Variants in ARMH3 observed in about 807,000 individuals in gnomAD.
ARMH3 encodes the protein armadillo-like helical domain-containing protein 3.
Under a neutral mutation model 99.1 loss-of-function variants are expected in ARMH3, and 60 were observed. The ratio of observed to expected loss-of-function variants is 0.61; its 90% CI spans 0.49 to 0.75. The LOEUF is 0.75. ARMH3 is among the 30% of genes least tolerant of loss of function. ARMH3 has a pLI of 0.00. For synonymous variants in ARMH3, 285 were observed against 292.8 expected, an observed-to-expected ratio of 0.97 and a Z score of 0.27; for missense variants, 679 against 843.1, an observed-to-expected ratio of 0.81 and a Z score of 2.41.
intron 23 of ARMH3, among the ~76,000 whole-genome samples, chr10:101,916,716 A>G (rs1354446752): frequency 1.3e-5 from 2 of 152,148 alleles, no homozygotes; most frequent in African/African-American, 4.8e-5. Context: ...TTTCCAGGAG[A>G]CAGATTAGCA....
intron 19 of ARMH3, among the ~76,000 whole-genome samples, chr10:101,984,421 T>C (rs1254173354): frequency 6.6e-6 from 1 of 152,198 alleles, no homozygotes; most frequent in Non-Finnish European, 1.5e-5. Context: ...AATGGCTTTG[T>C]TGCAGCCAGC....
intron 20 of ARMH3, among the ~76,000 whole-genome samples, chr10:101,961,000 T>C (rs1295638796): frequency 1.3e-5 from 2 of 152,132 alleles, no homozygotes; most frequent in African/African-American, 4.8e-5. Context: ...CTGCTGACTA[T>C]ACTGTTATCA....
intron 8 of ARMH3, among the ~76,000 whole-genome samples, chr10:102,020,226 T>TA (rs1170612985): frequency 6.6e-6 from 1 of 151,798 alleles, no homozygotes; most frequent in Non-Finnish European, 1.5e-5. Flanking sequence ...GTAGCCTAAG[T>TA]ATACAATGTT....
intron 22 of ARMH3, among the ~76,000 whole-genome samples, chr10:101,944,326 A>AGG (rs1564778919): frequency 6.8e-5 from 8 of 117,040 alleles, no homozygotes; most frequent in Admixed American, 8.7e-5. Context: ...AGAGAGAGAG[A>AGG]GAGTCCAAAC....
At chr10:101,854,863 G>A (rs1156734316) in intron 24 of ARMH3, among the ~76,000 whole-genome samples, 1 of 151,546 alleles carries the variant, frequency 6.6e-6, no homozygotes, top group Non-Finnish European at 1.5e-5. Flanking sequence ...TGAGATTAAC[G>A]ATTGTACAAT....
rs774545636 is a variant in ARMH3 at position 102,009,460 on chromosome 10, A to C, written c.879-11T>G. The C allele has an allele frequency of 1.2e-6, 2 of 1,611,610 alleles. No homozygotes were observed. Among genetic ancestry groups the C allele is most frequent in the Non-Finnish European group, 1.7e-6 (2 of 1,178,020 alleles). On this transcript the variant is annotated splice_polypyrimidine_tract_variant and intron_variant, in intron 12 of 25. Coordinates refer to ENST00000370033, the MANE Select transcript of ARMH3 (RefSeq NM_024541.3). ...ATGGCCTCATTGGTTCTAAAGAAAA[A>C]GAGAACAAATTGGAGCAGTTTTTAT...
intron 14 of ARMH3, 137 bp downstream of exon 14, chr10:102,006,403 C>G (rs1440290039): frequency 2.5e-6 from 2 of 806,442 alleles, no homozygotes; most frequent in Non-Finnish European, 3.9e-6. Context: ...ATTTAGGAGG[C>G]CTGAAGGATA....
At position 101,963,674 on chromosome 10, in the gene ARMH3, T is replaced by A. The variant is rs188918836; in HGVS notation, c.1496-5942A>T. Among the ~76,000 whole-genome samples the A allele has an allele frequency of 3.2e-3, 478 of 151,742 alleles. 2 individuals are homozygous for A. The highest frequency in any genetic ancestry group is 5.5e-3 in the Non-Finnish European group (375 of 67,844). On this transcript the variant is annotated intron_variant, in intron 20 of 25. Coordinates refer to ENST00000370033, the MANE Select transcript of ARMH3 (RefSeq NM_024541.3). Reference sequence around the variant, plus strand: ...GAGTGCAACGGCACGATCTCGGCTCTCCGCGACCTCTGTCTCTTGGGTTCA... The same window carrying A: ...GAGTGCAACGGCACGATCTCGGCTCACCGCGACCTCTGTCTCTTGGGTTCA...
intron 23 of ARMH3, among the ~76,000 whole-genome samples, chr10:101,907,836 T>C (rs1227349110): frequency 6.6e-6 from 1 of 152,166 alleles, no homozygotes; most frequent in Non-Finnish European, 1.5e-5. Context: ...AATAAAACAA[T>C]GTGTTGATTT....
Position 102,045,005 on chromosome 10 carries a change from G to A in ARMH3, c.-11-4880C>T, listed in dbSNP as rs541163449. On this transcript the variant is annotated intron_variant, in intron 1 of 25. Coordinates refer to ENST00000370033, the MANE Select transcript of ARMH3 (RefSeq NM_024541.3). Reference sequence around the variant, plus strand: ...ATGAAAATTAGACAGGCGTGATGGCGGGAGCCTGTAATCCCAGATACTCGG... The same window carrying A: ...ATGAAAATTAGACAGGCGTGATGGCAGGAGCCTGTAATCCCAGATACTCGG... 7.2e-5 allele frequency among the ~76,000 whole-genome samples: 11 copies of A among 151,836 alleles called. No homozygotes were observed. The East Asian group carries it at 9.7e-4, about 13-fold the overall frequency.
In ARMH3 at chr10:101,913,854, T is replaced by C. The variant is rs186150726; in HGVS notation, c.1782-24364A>G. Reference sequence around the variant, plus strand: ...GGGTGGTAAGCAGTGGTCTGTCATCTCCTGGAGCTTTTCAAAAGAGCTATA... The same window carrying C: ...GGGTGGTAAGCAGTGGTCTGTCATCCCCTGGAGCTTTTCAAAAGAGCTATA... On this transcript the variant is annotated intron_variant, in intron 23 of 25. Transcript: ENST00000370033. Among the ~76,000 whole-genome samples, 52 of 152,342 alleles carry C rather than the reference T, an allele frequency of 3.4e-4. 1 individual carries two copies. The highest frequency in any genetic ancestry group is 1.6e-3 in the Admixed American group (24 of 15,298).
chr10:101,872,924 C>T (rs971930382), intron 24 of ARMH3, among the ~76,000 whole-genome samples: 5 of 150,972 alleles, frequency 3.3e-5, no homozygotes, highest in East Asian at 3.9e-4. Context: ...CGCCACTGCA[C>T]GCCAGCATGT....
chr10:102,011,489 C>G (rs1444475111), intron 11 of ARMH3, among the ~76,000 whole-genome samples: 1 of 151,808 alleles, frequency 6.6e-6, no homozygotes, highest in African/African-American at 2.4e-5. Context: ...CTCCTTTCCC[C>G]ATCTCACTTG....
At chr10:101,888,330 T>C (rs1410135835) in intron 24 of ARMH3, among the ~76,000 whole-genome samples, 2 of 151,982 alleles carry the variant, frequency 1.3e-5, no homozygotes, top group East Asian at 1.9e-4. Context: ...ATAAAAGCAG[T>C]TTTAAATGTG....
intron 11 of ARMH3, among the ~76,000 whole-genome samples, chr10:102,011,476 G>T (rs1590180357): frequency 6.6e-6 from 1 of 151,780 alleles, no homozygotes; most frequent in East Asian, 1.9e-4. Context: ...AGAAACCAAA[G>T]CTCTCCTTTC....
intron 22 of ARMH3, among the ~76,000 whole-genome samples, chr10:101,949,695 T>C (rs1280913888): frequency 6.6e-6 from 1 of 152,012 alleles, no homozygotes; most frequent in Non-Finnish European, 1.5e-5. Flanking sequence ...AGATGAGCAA[T>C]GAGAGAACAC....
chr10:101,877,163 C>T (rs972633695), intron 24 of ARMH3, among the ~76,000 whole-genome samples: 7 of 152,210 alleles, frequency 4.6e-5, no homozygotes, highest in African/African-American at 9.6e-5. Context: ...AATAGCCAGA[C>T]GTGGTAGCAC....
rs570399393 is a variant in ARMH3 at position 101,960,648 on chromosome 10, T to C, written c.1496-2916A>G. On this transcript the variant is annotated intron_variant, in intron 20 of 25. Transcript: ENST00000370033. ...GCTCATGCCTGTAATCCCAGCACTT[T>C]GGGAGGCTGAGGCAGGCTGATCATG... Among the ~76,000 whole-genome samples the C allele has an allele frequency of 5.4e-4, 82 of 152,070 alleles. 1 individual carries two copies. The Middle Eastern group carries it at 0.01, about 19-fold the overall frequency.
At chr10:101,898,452 C>A (rs946986158) in intron 23 of ARMH3, among the ~76,000 whole-genome samples, 1 of 152,120 alleles carries the variant, frequency 6.6e-6, no homozygotes, top group Non-Finnish European at 1.5e-5. Context: ...TGCAATCTCC[C>A]ATGGACAGAA....
Sources: gnomAD v4.1 joint callset for allele counts (sites outside exome capture counted in the v4.1 genomes callset) on GRCh38, gnomAD v4.1.1 for gene constraint, MANE v1.5 for transcripts, NCBI Gene and HGNC (gene_info 2026-07-23, HGNC 2026-07-21) for gene names.